ATRN: variants seen among roughly 807,000 people sequenced by gnomAD.
ATRN encodes attractin-2.
ATRN carries 54 observed loss-of-function variants against 178.7 expected under a neutral mutation model. The observed-to-expected ratio is 0.30, with a 90% CI of 0.24 to 0.38. The LOEUF (loss-of-function observed/expected upper bound fraction) is 0.38, where lower values mean the gene tolerates loss of function less well. Among genes scored for constraint, ATRN ranks in the 10% least tolerant of loss-of-function variants. The probability of loss-of-function intolerance (pLI) is 1.00; values close to 1 mark genes in which losing one functional copy is unlikely to be tolerated. For missense variants in ATRN, 1,443 were observed against 1,815.1 expected (o/e 0.79, Z 3.73); for synonymous variants, 636 against 663.0 (o/e 0.96, Z 0.63).
At chr20:3,546,016 C>A in intron 4 of ATRN, 126 bp downstream of exon 4, 2 of 1,065,474 alleles carry the variant, frequency 1.9e-6, no homozygotes, top group Non-Finnish European at 2.7e-6. Context: ...TGGATTTTCT[C>A]ATTTAAAATT....
intron 1 of ATRN, among the ~76,000 whole-genome samples, chr20:3,519,440 A>T (rs1445623669): frequency 1.3e-5 from 2 of 152,236 alleles, no homozygotes; most frequent in Non-Finnish European, 2.9e-5. Flanking sequence ...TGATTTCCTC[A>T]TTAAACAATT....
At chr20:3,588,868 C>A (rs1265881443) in intron 18 of ATRN, among the ~76,000 whole-genome samples, 1 of 151,430 alleles carries the variant, frequency 6.6e-6, no homozygotes, top group Non-Finnish European at 1.5e-5. Flanking sequence ...TGTTATAGAT[C>A]TATTCAGATT....
chr20:3,583,131 G>C (rs2086303708), intron 16 of ATRN, among the ~76,000 whole-genome samples: 1 of 152,194 alleles, frequency 6.6e-6, no homozygotes, highest in South Asian at 2.1e-4. Flanking sequence ...TAGCATTGTA[G>C]ATTTCTAAAT....
intron 1 of ATRN, among the ~76,000 whole-genome samples, chr20:3,534,846 C>T (rs2146178739): frequency 6.6e-6 from 1 of 152,016 alleles, no homozygotes; most frequent in Non-Finnish European, 1.5e-5. Context: ...AGGGCTCAAG[C>T]CTGTAATTCT....
intron 1 of ATRN, among the ~76,000 whole-genome samples, chr20:3,486,299 C>T (rs371006685): frequency 3.9e-5 from 6 of 152,274 alleles, no homozygotes; most frequent in African/African-American, 1.4e-4. Context: ...ATTCCCATGC[C>T]TTCCCCTCCT....
At chr20:3,623,331 A>G (rs1397339252) in intron 24 of ATRN, among the ~76,000 whole-genome samples, 1 of 152,220 alleles carries the variant, frequency 6.6e-6, no homozygotes, top group Non-Finnish European at 1.5e-5. Context: ...GTAACTTTGT[A>G]TTTCTGATTA....
intron 1 of ATRN, among the ~76,000 whole-genome samples, chr20:3,498,159 A>G (rs1274671557): frequency 1.3e-5 from 2 of 152,224 alleles, no homozygotes; most frequent in Non-Finnish European, 2.9e-5. Flanking sequence ...GAATAGACCA[A>G]TAACAGGATC....
In ATRN at chr20:3,550,530, T is replaced by G. The variant is rs560268209; in HGVS notation, c.1112+1192T>G. Among the ~76,000 whole-genome samples the G allele has an allele frequency of 2.1e-4, 32 of 152,336 alleles. No homozygotes were observed. In the Middle Eastern group the frequency reaches 0.014, roughly 65 times the overall value. On this transcript the variant is annotated intron_variant, in intron 6 of 28. Coordinates refer to ENST00000262919, the MANE Select transcript of ATRN (RefSeq NM_139321.3). ...TGATGAGACTCCTGCAGTGGTCAGG[T>G]CAGGTTAGTAGATTTCCTCCAGGTT...
intron 1 of ATRN, among the ~76,000 whole-genome samples, chr20:3,527,021 C>CAA (rs939722899): frequency 6.6e-6 from 1 of 152,108 alleles, no homozygotes; most frequent in Non-Finnish European, 1.5e-5. Flanking sequence ...TAGGTATGGG[C>CAA]AAAGACTTCA....
chr20:3,536,945 GT>G (rs2085541647), intron 2 of ATRN, among the ~76,000 whole-genome samples: 1 of 152,166 alleles, frequency 6.6e-6, no homozygotes, highest in East Asian at 1.9e-4. Flanking sequence ...CTGAAACTAT[GT>G]TAAGGAACTT....
At chr20:3,525,514 G>T (rs1031152210) in intron 1 of ATRN, among the ~76,000 whole-genome samples, 1 of 152,020 alleles carries the variant, frequency 6.6e-6, no homozygotes, top group Non-Finnish European at 1.5e-5. Flanking sequence ...AATTCCAAAC[G>T]ACAGAAAAAG....
At chr20:3,538,402 T>C (rs918005978) in intron 2 of ATRN, among the ~76,000 whole-genome samples, 1 of 152,178 alleles carries the variant, frequency 6.6e-6, no homozygotes, top group African/African-American at 2.4e-5. Context: ...ATCTTAGTTT[T>C]ACTGTGAATA....
intron 13 of ATRN, among the ~76,000 whole-genome samples, chr20:3,576,187 C>T (rs1395545891): frequency 6.6e-6 from 1 of 152,274 alleles, no homozygotes; most frequent in East Asian, 1.9e-4. Flanking sequence ...TGTCCCTGGG[C>T]ATGGCTGTGA....
At chr20:3,569,969 G>A (rs1248968036) in intron 11 of ATRN, among the ~76,000 whole-genome samples, 1 of 151,974 alleles carries the variant, frequency 6.6e-6, no homozygotes, top group African/African-American at 2.4e-5. Flanking sequence ...TACTCAGGAG[G>A]TTGAGGTGGG....
At chr20:3,534,574 G>T (rs892851061) in intron 1 of ATRN, among the ~76,000 whole-genome samples, 2 of 152,158 alleles carry the variant, frequency 1.3e-5, no homozygotes, top group Non-Finnish European at 2.9e-5. Context: ...GCGAGCATGT[G>T]TTCAGAGTGG....
intron 21 of ATRN, among the ~76,000 whole-genome samples, chr20:3,597,110 A>G (rs1418828125): frequency 6.8e-6 from 1 of 147,198 alleles, no homozygotes; most frequent in Non-Finnish European, 1.5e-5. Flanking sequence ...AAACATCTTG[A>G]CCTTGGGTGG....
At chr20:3,512,107 A>ATATATATATATATATATATATATATTTT in intron 1 of ATRN, among the ~76,000 whole-genome samples, 1 of 106,394 alleles carries the variant, frequency 9.4e-6, no homozygotes, top group African/African-American at 4.4e-5. Context: ...ATATATATAT[A>ATATATATATATATATATATATATATTTT]TTTTTTTTTT....
At chr20:3,506,977 A>G (rs1349775211) in intron 1 of ATRN, among the ~76,000 whole-genome samples, 3 of 152,032 alleles carry the variant, frequency 2.0e-5, no homozygotes, top group African/African-American at 4.8e-5. Context: ...AAATACCTGT[A>G]TAGAAGCACA....
At chr20:3,499,652 T>C (rs888088103) in intron 1 of ATRN, among the ~76,000 whole-genome samples, 165 of 146,998 alleles carry the variant, frequency 1.1e-3, no homozygotes, top group African/African-American at 3.9e-3. Flanking sequence ...TGAAACTGGA[T>C]CCCTTCCTTA....
Sources: allele counts gnomAD v4.1 joint callset (sites outside exome capture counted in the v4.1 genomes callset), GRCh38; gene constraint gnomAD v4.1.1; transcripts MANE v1.5; gene names NCBI Gene and HGNC (gene_info 2026-07-23, HGNC 2026-07-21).